Variants in SPOCK1 observed in about 807,000 individuals in gnomAD.
SPOCK1 encodes SPARC (osteonectin), cwcv and kazal like domains proteoglycan 1.
Under a neutral mutation model 55.3 loss-of-function variants are expected in SPOCK1, and 23 were observed. That is an observed-to-expected ratio of 0.42 (90% CI 0.30 to 0.59). SPOCK1 has a LOEUF of 0.59. Ranked by LOEUF, SPOCK1 falls within the 20% of genes least tolerant of loss-of-function variation. The pLI is 0.22. For missense variants in SPOCK1, 499 were observed against 552.5 expected (o/e 0.90, Z 0.97); for synonymous variants, 226 against 221.0 (o/e 1.02, Z -0.20).
chr5:137,171,413 A>G (rs573219143), intron 3 of SPOCK1, among the ~76,000 whole-genome samples: 4 of 152,198 alleles, frequency 2.6e-5, no homozygotes, highest in African/African-American at 4.8e-5. Context: ...CACTTGATCA[A>G]CTTTTGCTGA....
At chr5:137,217,838 A>G (rs1327607029) in intron 3 of SPOCK1, among the ~76,000 whole-genome samples, 1 of 152,194 alleles carries the variant, frequency 6.6e-6, no homozygotes, top group East Asian at 1.9e-4. Context: ...AATGTATCCA[A>G]GGTATCGTGG....
intron 2 of SPOCK1, among the ~76,000 whole-genome samples, chr5:137,471,424 C>T (rs1753735265): frequency 6.6e-6 from 1 of 152,142 alleles, no homozygotes; most frequent in African/African-American, 2.4e-5. Flanking sequence ...ATGATGATGG[C>T]ACCTACTTCA....
intron 3 of SPOCK1, among the ~76,000 whole-genome samples, chr5:137,254,772 C>T (rs1756601833): frequency 6.6e-6 from 1 of 152,192 alleles, no homozygotes; most frequent in Non-Finnish European, 1.5e-5. Flanking sequence ...AGGAAGGTAA[C>T]TATGCAGTCA....
In SPOCK1 at chr5:137,335,982, C is replaced by A. The variant is rs546940117; in HGVS notation, c.187-68927G>T. Among the ~76,000 whole-genome samples the A allele has an allele frequency of 1.7e-3, 262 of 152,280 alleles. 1 individual carries two copies. The highest frequency in any genetic ancestry group is 5.9e-3 in the African/African-American group (247 of 41,558). Reference sequence around the variant, plus strand: ...CTTGGAATACACAGTCTTACCGTAACAGAGGACTCACAGACCCTAATGATT... The same window carrying A: ...CTTGGAATACACAGTCTTACCGTAAAAGAGGACTCACAGACCCTAATGATT... On this transcript the variant is annotated intron_variant, in intron 2 of 10. Coordinates refer to ENST00000394945, the MANE Select transcript of SPOCK1 (RefSeq NM_004598.4).
chr5:137,083,441 A>G (rs1293009789), intron 5 of SPOCK1, among the ~76,000 whole-genome samples: 1 of 152,144 alleles, frequency 6.6e-6, no homozygotes, highest in African/African-American at 2.4e-5. Context: ...TCTGATTTGT[A>G]AAATGGGGGA....
chr5:137,295,199 T>A (rs186105521), intron 2 of SPOCK1, among the ~76,000 whole-genome samples: 1 of 152,188 alleles, frequency 6.6e-6, no homozygotes, highest in Non-Finnish European at 1.5e-5. Flanking sequence ...AATACAGCTG[T>A]TTTTTGTTCT....
At chr5:137,308,277 T>C (rs1203278089) in intron 2 of SPOCK1, among the ~76,000 whole-genome samples, 6 of 152,258 alleles carry the variant, frequency 3.9e-5, no homozygotes, top group Non-Finnish European at 8.8e-5. Context: ...TCCTTACCAG[T>C]CATCTGCCTA....
intron 3 of SPOCK1, among the ~76,000 whole-genome samples, chr5:137,242,096 G>A (rs912923615): frequency 2.0e-5 from 3 of 152,202 alleles, no homozygotes; most frequent in African/African-American, 7.2e-5. Flanking sequence ...AGGCCAGCAT[G>A]GTGGCTCCCA....
At chr5:137,105,624 G>T (rs1753348774) in intron 5 of SPOCK1, among the ~76,000 whole-genome samples, 1 of 152,168 alleles carries the variant, frequency 6.6e-6, no homozygotes, top group Admixed American at 6.5e-5. Flanking sequence ...TTACAAGGTA[G>T]CAATTGTTGG....
At chr5:137,156,305 A>G (rs1754415338) in intron 3 of SPOCK1, among the ~76,000 whole-genome samples, 1 of 152,132 alleles carries the variant, frequency 6.6e-6, no homozygotes, top group African/African-American at 2.4e-5. Flanking sequence ...GGTCATGAAT[A>G]AAATAAACAA....
intron 6 of SPOCK1, among the ~76,000 whole-genome samples, chr5:136,999,782 GTC>G (rs1751114016): frequency 6.6e-6 from 1 of 152,160 alleles, no homozygotes; most frequent in Non-Finnish European, 1.5e-5. Context: ...GAGTGAGCGT[GTC>G]TCTGTTAGAA....
intron 4 of SPOCK1, among the ~76,000 whole-genome samples, chr5:137,127,873 AGTT>A (rs1485616378): frequency 6.6e-6 from 1 of 152,218 alleles, no homozygotes; most frequent in Admixed American, 6.5e-5. Flanking sequence ...AAGACTTTAA[AGTT>A]GATGTTGGAA....
chr5:137,009,538 T>C (rs536200693), intron 6 of SPOCK1, among the ~76,000 whole-genome samples: 18 of 152,254 alleles, frequency 1.2e-4, no homozygotes, highest in African/African-American at 4.3e-4. Flanking sequence ...ACAATATAAA[T>C]ACATATAAAT....
intron 2 of SPOCK1, among the ~76,000 whole-genome samples, chr5:137,312,544 T>C (rs753454708): frequency 6.6e-6 from 1 of 152,200 alleles, no homozygotes; most frequent in Non-Finnish European, 1.5e-5. Flanking sequence ...TGTTGTTTTC[T>C]CTTAATTTAA....
In SPOCK1 at chr5:137,222,107, C is replaced by T. The variant is rs149183977; in HGVS notation, c.232+44903G>A. Among the ~76,000 whole-genome samples, 385 of 152,280 alleles carry T rather than the reference C, an allele frequency of 2.5e-3. 2 individuals are homozygous for T. Among genetic ancestry groups the T allele is most frequent in the Non-Finnish European group, 4.5e-3 (305 of 68,016 alleles). On this transcript the variant is annotated intron_variant, in intron 3 of 10. Coordinates refer to ENST00000394945, the MANE Select transcript of SPOCK1 (RefSeq NM_004598.4). Reference sequence around the variant, plus strand: ...TTATTTAAGGTACTCAAAACTCTGGCTTTTATCATGTCACATACATACGCC... The same window carrying T: ...TTATTTAAGGTACTCAAAACTCTGGTTTTTATCATGTCACATACATACGCC...
chr5:137,163,413 C>G (rs1430943800), intron 3 of SPOCK1, among the ~76,000 whole-genome samples: 1 of 152,136 alleles, frequency 6.6e-6, no homozygotes, highest in Non-Finnish European at 1.5e-5. Context: ...CCCTAAGTAC[C>G]TTTATACAAG....
At chr5:137,143,691 AAAT>A (rs758660636) in intron 3 of SPOCK1, among the ~76,000 whole-genome samples, 1 of 152,206 alleles carries the variant, frequency 6.6e-6, no homozygotes, top group Non-Finnish European at 1.5e-5. Context: ...TTCCCAGAGT[AAAT>A]AATCAGTTTT....
At chr5:137,249,834 G>A (rs1379435019) in intron 3 of SPOCK1, among the ~76,000 whole-genome samples, 1 of 152,098 alleles carries the variant, frequency 6.6e-6, no homozygotes, top group Admixed American at 6.5e-5. Flanking sequence ...CAAGATAAAG[G>A]CAAGTAGTAT....
chr5:137,498,533 G>A lies in SPOCK1; in HGVS notation c.26C>T (p.Ala9Val), dbSNP rs780381647. 62 of 1,541,260 alleles carry A rather than the reference G, an allele frequency of 4.0e-5. No homozygotes were observed. Among genetic ancestry groups the A allele is most frequent in the Non-Finnish European group, 5.2e-5 (60 of 1,150,788 alleles). The change falls in exon 2 of 11, where the codon GCG becomes GTG. Residue 9 changes from alanine to valine, a missense_variant. This residue lies in a region of SPOCK1 where 386 missense variants were observed against 400.6 expected (regional missense o/e 0.96). Transcript: ENST00000394945. ...GAGGAAGCACCACGCCGCGGCGGCC[G>A]CCGCCAACACCGCGATCGCCGGCAT... MPAIAVLAAAAAAWCFLQV... is the reference protein window; with the variant it reads MPAIAVLAVAAAAWCFLQV...
Sources: allele counts gnomAD v4.1 joint callset (sites outside exome capture counted in the v4.1 genomes callset), GRCh38; gene constraint gnomAD v4.1.1; regional missense constraint gnomAD v4.1.1; transcripts MANE v1.5; gene names NCBI Gene and HGNC (gene_info 2026-07-23, HGNC 2026-07-21).